Variants in HEATR5A observed in about 807,000 individuals in gnomAD.
HEATR5A encodes the protein HEAT repeat containing 5A, also known as HEAT repeat-containing protein 5A.
HEATR5A carries 178 observed loss-of-function variants against 218.8 expected under a neutral mutation model. That is an observed-to-expected ratio of 0.81 (90% CI 0.72 to 0.92). The LOEUF (loss-of-function observed/expected upper bound fraction) is 0.92, where lower values mean the gene tolerates loss of function less well. HEATR5A is among the 40% of genes least tolerant of loss of function. The pLI, the probability that HEATR5A is intolerant of heterozygous loss-of-function variation, is 0.00. For synonymous variants in HEATR5A, 864 were observed against 871.6 expected, an observed-to-expected ratio of 0.99 and a Z score of 0.15; for missense variants, 2,420 against 2,418.9, an observed-to-expected ratio of 1.00 and a Z score of -0.01.
At chr14:31,364,143 C>A in intron 14 of HEATR5A, 46 bp downstream of exon 14, 1 of 755,696 alleles carries the variant, frequency 1.3e-6, no homozygotes, top group Non-Finnish European at 2.2e-6. Flanking sequence ...GTTCCAGAAA[C>A]CATACTAGCC....
chr14:31,335,358 T>A lies in HEATR5A; in HGVS notation c.3367+2118A>T, dbSNP rs147718114. On this transcript the variant is annotated intron_variant, in intron 22 of 35. Transcript: ENST00000543095. ...AGTTGAAGCAAAAGTTTTTATTTTT[T>A]TTTTTTGTTAGAGACAAGGTCTCAC... Among the ~76,000 whole-genome samples, 922 of 152,230 alleles carry A rather than the reference T, an allele frequency of 6.1e-3. 3 individuals are homozygous for A. The highest frequency in any genetic ancestry group is 0.02 in the Middle Eastern group (6 of 294).
intron 14 of HEATR5A, among the ~76,000 whole-genome samples, chr14:31,363,146 G>GGAGAATC: frequency 6.6e-6 from 1 of 152,042 alleles, no homozygotes; most frequent in Non-Finnish European, 1.5e-5. Context: ...GGCTGAGGCA[G>GGAGAATC]GAGAATCGTT....
Position 31,368,641 on chromosome 14 carries a change from C to T in HEATR5A, c.1961+3169G>A, listed in dbSNP as rs562097738. On this transcript the variant is annotated intron_variant, in intron 13 of 35. Coordinates refer to ENST00000543095, the MANE Select transcript of HEATR5A (RefSeq NM_015473.4). ...ATTGAGGTGCTCAAGCAATCATTCC[C>T]GCCTCAGCCTCCTGTGTAGCTAGGA... Among the ~76,000 whole-genome samples, 9 of 152,194 alleles carry T rather than the reference C, an allele frequency of 5.9e-5. No individual in the cohort carries two copies. In the East Asian group the frequency reaches 1.4e-3, roughly 23 times the overall value.
At chr14:31,374,673 A>AT in intron 12 of HEATR5A, 143 bp downstream of exon 12, 5 of 681,336 alleles carry the variant, frequency 7.3e-6, no homozygotes, top group Non-Finnish European at 1.2e-5. Flanking sequence ...ATCGGTTATA[A>AT]TTTTTTTGTT....
rs753049205 is a variant in HEATR5A, at chr14:31,400,475, T to G, written c.164A>C (p.Gln55Pro). 1 of 1,535,838 alleles carries G rather than the reference T, an allele frequency of 6.5e-7. No homozygotes were observed. Among genetic ancestry groups the G allele is most frequent in the South Asian group, 1.2e-5 (1 of 84,036 alleles). Residue 55 changes from glutamine to proline, a missense_variant, in exon 3 of 36, where the codon CAG (glutamine) becomes CCG (proline). Transcript: ENST00000543095. ...VREKQKTLVE[Q>P]LLSLLNSSPG... ...GGAGCTGTTCAACAAAGACAGGAGC[T>G]GTTCAACAAGAGTCTTCTGTTTCTC...
chr14:31,318,700 G>C (rs1355953352), intron 25 of HEATR5A, among the ~76,000 whole-genome samples: 1 of 152,174 alleles, frequency 6.6e-6, no homozygotes, highest in African/African-American at 2.4e-5. Flanking sequence ...ATGTTGGCCA[G>C]GCTGGTCTCC....
intron 33 of HEATR5A, among the ~76,000 whole-genome samples, chr14:31,300,900 T>G (rs1363745940): frequency 6.6e-6 from 1 of 152,222 alleles, no homozygotes; most frequent in Non-Finnish European, 1.5e-5. Context: ...TACTCCCATT[T>G]TTTAAAAAAA....
chr14:31,294,340 TTTC>T (rs1240460151), intron 34 of HEATR5A, among the ~76,000 whole-genome samples: 2 of 152,036 alleles, frequency 1.3e-5, no homozygotes, highest in Non-Finnish European at 2.9e-5. Context: ...AGTGTTAATT[TTTC>T]TTCTTTTCTC....
chr14:31,304,401 G>A (rs151107197), intron 32 of HEATR5A, among the ~76,000 whole-genome samples: 354 of 152,102 alleles, frequency 2.3e-3, no homozygotes, highest in Middle Eastern at 0.014. Context: ...TATAATACTT[G>A]CTATCTCTAT....
At position 31,343,981 on chromosome 14, in the gene HEATR5A, T is replaced by C. The variant is rs767699778; in HGVS notation, c.3143A>G (p.Gln1048Arg). Residue 1048 changes from glutamine (Q) to arginine (R), a missense_variant, in exon 21 of 36, where the codon CAA becomes CGA. Coordinates refer to ENST00000543095, the MANE Select transcript of HEATR5A (RefSeq NM_015473.4). ...CTGAAGGCAAGAGATGGCCTGAGCT[T>C]GAACAAGGCAGTCTGGGTTATCTTG... ...VMQDNPDCLV[Q>R]AQAISCLQQL... The C allele has an allele frequency of 1.2e-6, 2 of 1,611,854 alleles. No individual in the cohort carries two copies. Among genetic ancestry groups the C allele is most frequent in the Non-Finnish European group, 1.7e-6 (2 of 1,178,918 alleles).
At chr14:31,334,480 T>A (rs758575646) in intron 22 of HEATR5A, 4 of 455,276 alleles carry the variant, frequency 8.8e-6, no homozygotes, top group South Asian at 6.2e-5. Flanking sequence ...AACAAAGGAT[T>A]CAGAATATTA....
Position 31,350,671 on chromosome 14 carries a change from CTT to C in HEATR5A, c.2456_2457del (p.Lys819ArgfsTer17). 6.2e-7 allele frequency: 1 copy of C among 1,601,840 alleles called. No individual in the cohort carries two copies. The highest frequency in any genetic ancestry group is 8.5e-7 in the Non-Finnish European group (1 of 1,172,364). ...AACTGAACCACTTGCTGACGAGCTC[CTT>C]TTGTGTGCTTTATACTGTCCAAAAG... ...EQLLDSIKHT[K>X]GARQQVVQLH... On this transcript the variant is annotated frameshift_variant, in exon 17 of 36. Transcript: ENST00000543095. LOFTEE classifies it high-confidence loss of function.
rs1247114991 is a variant in HEATR5A at position 31,293,996 on chromosome 14, G to A, written c.5728C>T (p.Gln1910Ter). Residue 1910 changes from glutamine to a stop codon, truncating the protein, a stop_gained, in exon 35 of 36, where the codon CAG becomes TAG. Coordinates refer to ENST00000543095, the MANE Select transcript of HEATR5A (RefSeq NM_015473.4). LOFTEE classifies it high-confidence loss of function. ...SLASCIMEKL[Q>*]EIDKRKPENT... ...TCAGGTTTTCTCTTGTCTATTTCCT[G>A]CAGTTTTTCCATGATACAGGATGCT... The A allele has an allele frequency of 6.2e-7, 1 of 1,605,534 alleles. No individual in the cohort carries two copies. Among genetic ancestry groups the A allele is most frequent in the Non-Finnish European group, 8.5e-7 (1 of 1,175,806 alleles).
chr14:31,337,758 T>A (rs986354484), intron 21 of HEATR5A, 144 bp from the exon 22 acceptor site: 2 of 593,862 alleles, frequency 3.4e-6, no homozygotes, highest in African/African-American at 1.9e-5. Flanking sequence ...AGGAACTTCT[T>A]GAAACCATTC....
intron 12 of HEATR5A, among the ~76,000 whole-genome samples, chr14:31,373,458 A>G (rs932213781): frequency 1.3e-5 from 2 of 151,590 alleles, no homozygotes; most frequent in African/African-American, 4.9e-5. Flanking sequence ...CCTCCCAAGT[A>G]GCTAGGATTA....
chr14:31,307,858 C>T, intron 30 of HEATR5A, 35 bp downstream of exon 30: 1 of 1,601,138 alleles, frequency 6.2e-7, no homozygotes. Flanking sequence ...TTAAAGACTA[C>T]AGAAGCCTTA....
intron 12 of HEATR5A, among the ~76,000 whole-genome samples, chr14:31,372,636 C>A (rs1435738216): frequency 6.6e-6 from 1 of 152,076 alleles, no homozygotes; most frequent in Non-Finnish European, 1.5e-5. Flanking sequence ...TGAGACCTGC[C>A]TGACCAACAT....
chr14:31,301,375 C>A (rs1899367007), intron 33 of HEATR5A, among the ~76,000 whole-genome samples: 1 of 152,090 alleles, frequency 6.6e-6, no homozygotes. Flanking sequence ...CCTGCCTCAG[C>A]CTCCTGGGTA....
In HEATR5A at chr14:31,400,648, C is replaced by G. The variant is rs142812253; in HGVS notation, c.127-136G>C. On this transcript the variant is annotated intron_variant, in intron 2 of 35. Transcript: ENST00000543095. ...ACAAACTTACTTTGACTGGAAGTTA[C>G]AAATAAGTTGGTAGTGTGGTCATTA... 527 of 626,210 alleles carry G rather than the reference C, an allele frequency of 8.4e-4. 3 individuals are homozygous for G. Among genetic ancestry groups the G allele is most frequent in the African/African-American group, 8.4e-3 (457 of 54,436 alleles). 38.8% of individuals were successfully genotyped at this position (626,210 alleles called of 1,614,324 possible). A position where few individuals can be genotyped will look rare whatever the true frequency, so the allele number is the denominator to read the frequency against.
Sources: allele counts gnomAD v4.1 joint callset (sites outside exome capture counted in the v4.1 genomes callset), GRCh38; gene constraint gnomAD v4.1.1; transcripts MANE v1.5; gene names NCBI Gene and HGNC (gene_info 2026-07-23, HGNC 2026-07-21).